The following GCNT2 variants were observed in gnomAD, a reference collection of about 807,000 sequenced individuals.
The protein encoded by GCNT2 is glucosaminyl (N-acetyl) transferase 2 (I blood group).
In GCNT2, 34 loss-of-function variants were observed where a neutral mutation model predicts 34.2. That is an observed-to-expected ratio of 1.00 (90% CI 0.76 to 1.32). GCNT2 has a LOEUF of 1.32. GCNT2 is among the 40% of genes most tolerant of loss of function. The pLI is 0.00. For synonymous variants in GCNT2, 212 were observed against 188.0 expected (o/e 1.13, Z -1.04); for missense variants, 584 against 489.4 (o/e 1.19, Z -1.82).
chr6:10,620,239 C>T (rs1336566315), intron 3 of GCNT2, among the ~76,000 whole-genome samples: 2 of 152,158 alleles, frequency 1.3e-5, no homozygotes, highest in African/African-American at 2.4e-5. Context: ...AAAGAATCTT[C>T]TAAGAGAGGA....
At chr6:10,550,044 G>C (rs1299557603) in intron 3 of GCNT2, among the ~76,000 whole-genome samples, 1 of 151,986 alleles carries the variant, frequency 6.6e-6, no homozygotes, top group Non-Finnish European at 1.5e-5. Flanking sequence ...TTATATAGTA[G>C]TTTACCCCAA....
chr6:10,571,646 C>T (rs1763560876), intron 3 of GCNT2, among the ~76,000 whole-genome samples: 1 of 152,200 alleles, frequency 6.6e-6, no homozygotes, highest in Non-Finnish European at 1.5e-5. Context: ...TGCCACCGCA[C>T]CAAGCCCTAT....
intron 3 of GCNT2, among the ~76,000 whole-genome samples, chr6:10,575,528 A>AT (rs1411787998): frequency 1.3e-5 from 2 of 151,800 alleles, no homozygotes; most frequent in South Asian, 2.1e-4. Flanking sequence ...CGCCCAGCTA[A>AT]TTTTTTTGTA....
intron 3 of GCNT2, chr6:10,581,768 C>T (rs1764077540): frequency 1.0e-6 from 1 of 985,094 alleles, no homozygotes. Flanking sequence ...CAATAGAAGA[C>T]CTTTGCCTCT....
At chr6:10,540,665 C>T (rs867666446) in intron 3 of GCNT2, among the ~76,000 whole-genome samples, 1 of 152,122 alleles carries the variant, frequency 6.6e-6, no homozygotes, top group Non-Finnish European at 1.5e-5. Context: ...GCATGAGGAA[C>T]GGAGAAATGG....
intron 3 of GCNT2, among the ~76,000 whole-genome samples, chr6:10,617,945 G>C (rs967766739): frequency 6.6e-6 from 1 of 151,612 alleles, no homozygotes; most frequent in East Asian, 1.9e-4. Flanking sequence ...AGTAGAGACA[G>C]GGTTTCACCA....
At chr6:10,553,481 T>C (rs1280528127) in intron 3 of GCNT2, among the ~76,000 whole-genome samples, 5 of 152,246 alleles carry the variant, frequency 3.3e-5, no homozygotes. Context: ...GGGCAATCTT[T>C]TCCCCCTTTG....
chr6:10,609,446 T>G (rs1397207427), intron 3 of GCNT2, among the ~76,000 whole-genome samples: 1 of 152,204 alleles, frequency 6.6e-6, no homozygotes, highest in Non-Finnish European at 1.5e-5. Flanking sequence ...ATTCATGATG[T>G]CAGAGCCCTC....
chr6:10,576,607 G>A (rs1362166311), intron 3 of GCNT2, among the ~76,000 whole-genome samples: 1 of 152,142 alleles, frequency 6.6e-6, no homozygotes, highest in East Asian at 1.9e-4. Flanking sequence ...AAGACTTAGG[G>A]GGAGGTAGGA....
At chr6:10,579,826 C>CAAAAAAAAAAAAAAAAAAA (rs61490868) in intron 3 of GCNT2, among the ~76,000 whole-genome samples, 2 of 89,892 alleles carry the variant, frequency 2.2e-5, no homozygotes, top group Non-Finnish European at 4.1e-5. Context: ...AAAAAACAAA[C>CAAAAAAAAAAAAAAAAAAA]AAAAAAAAAA....
chr6:10,576,675 AAG>A (rs747819824), intron 3 of GCNT2, among the ~76,000 whole-genome samples: 4 of 143,544 alleles, frequency 2.8e-5, no homozygotes, highest in South Asian at 2.1e-4. Flanking sequence ...CAGAGACAGA[AAG>A]AGATTTGGGG....
chr6:10,528,815 A>G lies in GCNT2; in HGVS notation c.-97A>G. 2 of 957,346 alleles carry G rather than the reference A, an allele frequency of 2.1e-6. No individual in the cohort carries two copies. Among genetic ancestry groups the G allele is most frequent in the Non-Finnish European group, 3.4e-6 (2 of 590,392 alleles). The allele number at this position is 957,346 out of a possible 1,614,324, so 59.3% of individuals were successfully genotyped here. ...CCAGACGAGAGCTTCAGCCATCACG[A>G]GGATGATTTCGGAACCTGGAGAAAA... On this transcript the variant is annotated 5_prime_UTR_variant, in exon 3 of 5. Transcript: ENST00000495262.
At chr6:10,597,026 A>C (rs1003086365) in intron 3 of GCNT2, among the ~76,000 whole-genome samples, 1 of 152,170 alleles carries the variant, frequency 6.6e-6, no homozygotes, top group African/African-American at 2.4e-5. Context: ...CCTAGGCCTC[A>C]CTACTTAACA....
chr6:10,523,816 C>CA (rs1277005383), intron 1 of GCNT2, among the ~76,000 whole-genome samples: 2 of 151,194 alleles, frequency 1.3e-5, no homozygotes, highest in South Asian at 4.2e-4. Context: ...ATTAAAAATA[C>CA]AAAAAAATTA....
chr6:10,602,444 A>C (rs1484217731), intron 3 of GCNT2, among the ~76,000 whole-genome samples: 2 of 152,224 alleles, frequency 1.3e-5, no homozygotes, highest in African/African-American at 4.8e-5. Context: ...TATTTCAGGA[A>C]GAAGTGCCAG....
intron 3 of GCNT2, 118 bp downstream of exon 3, chr6:10,529,954 A>G: frequency 3.6e-6 from 3 of 840,484 alleles, no homozygotes; most frequent in East Asian, 2.6e-5. Context: ...TTTAAATGTC[A>G]AATTAAAAAA....
intron 3 of GCNT2, among the ~76,000 whole-genome samples, chr6:10,554,847 A>T (rs1265856111): frequency 6.6e-6 from 1 of 152,162 alleles, no homozygotes; most frequent in Non-Finnish European, 1.5e-5. Context: ...AGACTTTGGT[A>T]AGGGAGAGAG....
chr6:10,532,877 G>T (rs1337253798), intron 3 of GCNT2, among the ~76,000 whole-genome samples: 1 of 150,646 alleles, frequency 6.6e-6, no homozygotes, highest in Non-Finnish European at 1.5e-5. Context: ...CCGTTGTAAG[G>T]GTCCTTCTGG....
intron 3 of GCNT2, among the ~76,000 whole-genome samples, chr6:10,617,741 G>A (rs1251160422): frequency 8.1e-6 from 1 of 123,920 alleles, no homozygotes; most frequent in Non-Finnish European, 1.5e-5. Context: ...GCCAGAGTCT[G>A]CATTTCTTCT....
Sources: gnomAD v4.1 joint callset for allele counts (sites outside exome capture counted in the v4.1 genomes callset) on GRCh38, gnomAD v4.1.1 for gene constraint, MANE v1.5 for transcripts, NCBI Gene and HGNC (gene_info 2026-07-23, HGNC 2026-07-21) for gene names.